The following MACROD2 variants were observed in gnomAD, a reference collection of about 807,000 sequenced individuals.
MACROD2 encodes ADP-ribose glycohydrolase MACROD2.
A neutral mutation model predicts 70.4 loss-of-function variants in MACROD2; 36 were observed. That is an observed-to-expected ratio of 0.51 (90% CI 0.39 to 0.68). The LOEUF (loss-of-function observed/expected upper bound fraction) is 0.68, where lower values mean the gene tolerates loss of function less well. MACROD2 is among the 30% of genes least tolerant of loss of function. The pLI, the probability that MACROD2 is intolerant of heterozygous loss-of-function variation, is 0.00. For synonymous variants in MACROD2, 172 were observed against 178.8 expected, an observed-to-expected ratio of 0.96 and a Z score of 0.30; for missense variants, 496 against 538.4, an observed-to-expected ratio of 0.92 and a Z score of 0.78.
chr20:14,095,368 T>C (rs1179349608), intron 3 of MACROD2, among the ~76,000 whole-genome samples: 4 of 152,172 alleles, frequency 2.6e-5, no homozygotes, highest in Admixed American at 2.0e-4. Context: ...GAGACTGGAA[T>C]TAAAGACATA....
chr20:15,201,135 A>G (rs1601216438), intron 5 of MACROD2, among the ~76,000 whole-genome samples: 5 of 152,184 alleles, frequency 3.3e-5, no homozygotes, highest in Non-Finnish European at 7.3e-5. Flanking sequence ...CATCTCGGAC[A>G]TAAAGCAAAA....
chr20:15,825,022 T>C (rs2063981588), intron 8 of MACROD2, among the ~76,000 whole-genome samples: 1 of 152,304 alleles, frequency 6.6e-6, no homozygotes, highest in Admixed American at 6.5e-5. Context: ...TTGAGGTGAT[T>C]TAGGCCACCT....
chr20:15,250,394 A>G lies in MACROD2; in HGVS notation c.540+20333A>G, dbSNP rs185512122. Among the ~76,000 whole-genome samples, 682 of 152,314 alleles carry G rather than the reference A, an allele frequency of 4.5e-3. 3 individuals are homozygous for G. Among genetic ancestry groups the G allele is most frequent in the South Asian group, 0.032 (155 of 4,830 alleles). On this transcript the variant is annotated intron_variant, in intron 6 of 17. Coordinates refer to ENST00000684519, the MANE Select transcript of MACROD2 (RefSeq NM_001351661.2). Reference sequence around the variant, plus strand: ...TTGTTCCACGATTTCCATGAACTCCATGGGCACAGACGTTGCATTCGCTTT... The same window carrying G: ...TTGTTCCACGATTTCCATGAACTCCGTGGGCACAGACGTTGCATTCGCTTT...
intron 8 of MACROD2, among the ~76,000 whole-genome samples, chr20:15,667,891 T>C (rs4814395): frequency 1.3e-5 from 2 of 152,120 alleles, no homozygotes; most frequent in South Asian, 2.1e-4. Context: ...AAGTCTTCTA[T>C]TTCTTGTAAA....
At chr20:14,495,230 G>A (rs1174012320) in intron 4 of MACROD2, among the ~76,000 whole-genome samples, 2 of 152,122 alleles carry the variant, frequency 1.3e-5, no homozygotes, top group African/African-American at 2.4e-5. Context: ...GAATGGTTGT[G>A]TGATGAATCA....
At chr20:14,843,684 T>G (rs1188785869) in intron 5 of MACROD2, among the ~76,000 whole-genome samples, 2 of 152,114 alleles carry the variant, frequency 1.3e-5, no homozygotes, top group Non-Finnish European at 2.9e-5. Context: ...TTTTGACTTT[T>G]CTTTCTGAGA....
At chr20:14,050,294 G>A (rs972130241) in intron 2 of MACROD2, among the ~76,000 whole-genome samples, 25 of 152,134 alleles carry the variant, frequency 1.6e-4, no homozygotes, top group African/African-American at 6.0e-4. Flanking sequence ...CATATGGGAA[G>A]AAGGAAAGGA....
intron 3 of MACROD2, chr20:14,323,604 C>A (rs1042049008): frequency 2.0e-5 from 3 of 152,190 alleles, no homozygotes; most frequent in Non-Finnish European, 4.4e-5. Flanking sequence ...ACCCTATAAT[C>A]ATGTCTTGGT....
At chr20:14,270,642 T>G (rs2082184711) in intron 3 of MACROD2, among the ~76,000 whole-genome samples, 2 of 152,156 alleles carry the variant, frequency 1.3e-5, no homozygotes, top group African/African-American at 4.8e-5. Flanking sequence ...AACCTCTTTT[T>G]TCAAGACCAA....
intron 5 of MACROD2, among the ~76,000 whole-genome samples, chr20:14,889,155 G>C: frequency 6.6e-6 from 1 of 152,026 alleles, no homozygotes; most frequent in East Asian, 1.9e-4. Flanking sequence ...CATGGATACT[G>C]TTTTCCATCT....
At chr20:15,444,639 A>G (rs1320789412) in intron 7 of MACROD2, among the ~76,000 whole-genome samples, 1 of 152,102 alleles carries the variant, frequency 6.6e-6, no homozygotes, top group Non-Finnish European at 1.5e-5. Context: ...GAAGGAGAGC[A>G]TGTATCAAAG....
intron 5 of MACROD2, among the ~76,000 whole-genome samples, chr20:15,221,817 A>T (rs2076864285): frequency 6.6e-6 from 1 of 152,250 alleles, no homozygotes; most frequent in African/African-American, 2.4e-5. Context: ...TGCCCCAAAC[A>T]TAATAACATT....
At chr20:15,058,321 T>C (rs1302110833) in intron 5 of MACROD2, among the ~76,000 whole-genome samples, 1 of 152,168 alleles carries the variant, frequency 6.6e-6, no homozygotes, top group Admixed American at 6.5e-5. Flanking sequence ...CAATACCTGG[T>C]GATCTGTCCC....
chr20:15,086,704 A>T (rs2075751385), intron 5 of MACROD2, among the ~76,000 whole-genome samples: 1 of 152,182 alleles, frequency 6.6e-6, no homozygotes, highest in Non-Finnish European at 1.5e-5. Context: ...GAAGAGGTGA[A>T]ATCAGAGTGA....
chr20:14,206,187 C>G (rs555083910), intron 3 of MACROD2, among the ~76,000 whole-genome samples: 6 of 152,300 alleles, frequency 3.9e-5, no homozygotes, highest in African/African-American at 1.4e-4. Flanking sequence ...AGGATGGCCC[C>G]TCACAACAAA....
At chr20:15,088,397 T>A (rs1466572290) in intron 5 of MACROD2, among the ~76,000 whole-genome samples, 6 of 111,164 alleles carry the variant, frequency 5.4e-5, no homozygotes, top group African/African-American at 2.0e-4. Flanking sequence ...ATACTATATT[T>A]TATATATATA....
intron 15 of MACROD2, among the ~76,000 whole-genome samples, chr20:16,018,252 G>A (rs1478393749): frequency 2.6e-5 from 4 of 152,174 alleles, no homozygotes; most frequent in Non-Finnish European, 4.4e-5. Context: ...GCAGCAGTGA[G>A]ATCATCGGTT....
At chr20:14,878,397 A>G (rs2073573649) in intron 5 of MACROD2, among the ~76,000 whole-genome samples, 1 of 152,172 alleles carries the variant, frequency 6.6e-6, no homozygotes, top group African/African-American at 2.4e-5. Context: ...GTTGGGGCAC[A>G]TTCATATTTT....
chr20:15,136,371 T>C (rs1421781476), intron 5 of MACROD2, among the ~76,000 whole-genome samples: 7 of 151,480 alleles, frequency 4.6e-5, no homozygotes, highest in African/African-American at 7.3e-5. Flanking sequence ...GACATATAGA[T>C]CAGTGGAACA....
Sources: gnomAD v4.1 joint callset for allele counts (sites outside exome capture counted in the v4.1 genomes callset) on GRCh38, gnomAD v4.1.1 for gene constraint, MANE v1.5 for transcripts, NCBI Gene and HGNC (gene_info 2026-07-23, HGNC 2026-07-21) for gene names.